The following MOB3C variants were observed in gnomAD, a reference collection of about 807,000 sequenced individuals.
The protein encoded by MOB3C is MOB kinase activator 3C, also known as MOB1, Mps One Binder kinase activator-like 2C.
A neutral mutation model predicts 19.8 loss-of-function variants in MOB3C; 17 were observed. That is an observed-to-expected ratio of 0.86 (90% CI 0.59 to 1.29). The LOEUF (loss-of-function observed/expected upper bound fraction) is 1.29. MOB3C is among the 50% of genes most tolerant of loss of function. The pLI is 0.00. For missense variants in MOB3C, 291 were observed against 301.9 expected, an observed-to-expected ratio of 0.96 and a Z score of 0.27; for synonymous variants, 101 against 119.2, an observed-to-expected ratio of 0.85 and a Z score of 0.99.
chr1:46,615,306 C>G (rs951711788), intron 1 of MOB3C: 2 of 528,394 alleles, frequency 3.8e-6, no homozygotes, highest in Admixed American at 6.4e-5. Context: ...CGCCCCCACT[C>G]TTTTGCCTCT....
chr1:46,613,395 G>A (rs749136671), intron 1 of MOB3C, 24 bp from the exon 2 acceptor site: 1 of 1,567,406 alleles, frequency 6.4e-7, no homozygotes, highest in Non-Finnish European at 8.6e-7. Flanking sequence ...GGGCATAGGG[G>A]AGCTGGCGGT....
chr1:46,613,421 T>C (rs139968018), intron 1 of MOB3C, 50 bp from the exon 2 acceptor site: 1 of 1,490,372 alleles, frequency 6.7e-7, no homozygotes, highest in East Asian at 2.3e-5. Flanking sequence ...CCTTATCATC[T>C]GGGCTCTGAC....
chr1:46,613,727 C>T (rs1675515760), intron 1 of MOB3C: 2 of 262,726 alleles, frequency 7.6e-6, no homozygotes, highest in Admixed American at 9.9e-5. Flanking sequence ...GACGAGATGA[C>T]CTCTGGGAGC....
chr1:46,614,830 C>T, intron 1 of MOB3C: 2 of 605,546 alleles, frequency 3.3e-6, no homozygotes, highest in Non-Finnish European at 5.8e-6. Flanking sequence ...GTCAAACTAG[C>T]TGGGGAGCTG....
intron 3 of MOB3C, 106 bp from the exon 4 acceptor site, chr1:46,609,790 C>T: frequency 6.9e-7 from 1 of 1,447,834 alleles, no homozygotes; most frequent in Non-Finnish European, 9.4e-7. Flanking sequence ...CCTGGCCTTC[C>T]CCCAGCAACC....
rs1289738756 is a variant in MOB3C at position 46,609,299 on chromosome 1, A to G, written c.*356T>C. ...ACAGGCAGACTGCTCACTTTCTTGC[A>G]CCTTTCTTGCCATCACCTCGGCCAC... On this transcript the variant is annotated 3_prime_UTR_variant, in exon 4 of 4. Coordinates refer to ENST00000319928, the MANE Select transcript of MOB3C (RefSeq NM_201403.3). 2 of 383,920 alleles carry G rather than the reference A, an allele frequency of 5.2e-6. No homozygotes were observed. The highest frequency in any genetic ancestry group is 9.8e-6 in the Non-Finnish European group (2 of 203,920). The allele number at this position is 383,920 out of a possible 1,614,324, so 23.8% of individuals were successfully genotyped here. A position where few individuals can be genotyped will look rare whatever the true frequency, so the allele number is the denominator to read the frequency against.
At chr1:46,616,331 A>G (rs1675559726) in intron 1 of MOB3C, 1 of 152,282 alleles carries the variant, frequency 6.6e-6, no homozygotes, top group Non-Finnish European at 1.5e-5. Flanking sequence ...GAGGTCGAAG[A>G]GAAAAAGTAG....
At chr1:46,614,129 T>C (rs1007751184) in intron 1 of MOB3C, 13 of 152,314 alleles carry the variant, frequency 8.5e-5, no homozygotes, top group African/African-American at 2.9e-4. Flanking sequence ...TCAGTAGACA[T>C]TCCTCTAGCA....
intron 1 of MOB3C, chr1:46,615,018 CA>C: frequency 6.2e-7 from 1 of 1,613,218 alleles, no homozygotes; most frequent in African/African-American, 1.3e-5. Flanking sequence ...ACTTCTCACC[CA>C]AAGAAGTCCC....
chr1:46,616,408 C>T (rs1351196502), intron 1 of MOB3C: 1 of 152,828 alleles, frequency 6.5e-6, no homozygotes, highest in East Asian at 1.9e-4. Context: ...TTCCCTGCAA[C>T]CTCAAACCAG....
In MOB3C at chr1:46,613,232, C is replaced by G. The variant is rs1318034883; in HGVS notation, c.90G>C (p.Leu30=). Residue 30 remains leucine, a synonymous_variant, in exon 2 of 4, where the codon CTG becomes CTC. Transcript: ENST00000319928. ...RFEPGTQRFE[L]YKKAQASLKS... ...TGAGAGAGGCCTGTGCCTTCTTGTACAGCTCAAAGCGCTGTGTGCCCGGCT... is the reference window on the plus strand; with the variant it reads ...TGAGAGAGGCCTGTGCCTTCTTGTAGAGCTCAAAGCGCTGTGTGCCCGGCT... The G allele has an allele frequency of 1.2e-6, 2 of 1,614,160 alleles. No homozygotes were observed. The highest frequency in any genetic ancestry group is 1.7e-6 in the Non-Finnish European group (2 of 1,180,036).
chr1:46,612,658 G>GAAAAAAAAAAA (rs112172528), intron 2 of MOB3C, among the ~76,000 whole-genome samples: 1 of 97,096 alleles, frequency 1.0e-5, no homozygotes, highest in South Asian at 4.1e-4. Flanking sequence ...TCTCAGAAAA[G>GAAAAAAAAAAA]AAAAAAAAAA....
chr1:46,614,273 A>T (rs551637191), intron 1 of MOB3C: 1 of 152,346 alleles, frequency 6.6e-6, no homozygotes, highest in South Asian at 2.1e-4. Context: ...ATTTTGGGAG[A>T]CAGTGATCAG....
intron 2 of MOB3C, among the ~76,000 whole-genome samples, chr1:46,610,606 C>T (rs1391953291): frequency 6.6e-6 from 1 of 152,220 alleles, no homozygotes; most frequent in African/African-American, 2.4e-5. Flanking sequence ...TGGTCTTGAA[C>T]TCCTGACCTC....
Position 46,613,014 on chromosome 1 carries a change from T to C in MOB3C, c.308A>G (p.Glu103Gly), listed in dbSNP as rs1353431397. 1 of 1,613,536 alleles carries C rather than the reference T, an allele frequency of 6.2e-7. No individual in the cohort carries two copies. Among genetic ancestry groups the C allele is most frequent in the Non-Finnish European group, 8.5e-7 (1 of 1,179,676 alleles). ...GPRYEYRWQD[E>G]RQYRRPAKLS... ...CTTGGCGGGCCGCCGGTACTGGCGC[T>C]CGTCCTGCCAGCGGTACTCGTAGCG... The change falls in exon 2 of 4, where the codon GAG (glutamate) becomes GGG (glycine). Residue 103 changes from glutamate to glycine, a missense_variant. Physicochemically the swap from Glu to Gly is moderately conservative, Grantham distance 98. Coordinates refer to ENST00000319928, the MANE Select transcript of MOB3C (RefSeq NM_201403.3).
rs2181413 is a variant in MOB3C, at chr1:46,608,790, A to G, written c.*865T>C. The G allele has an allele frequency of 0.13, 20,410 of 152,580 alleles. 1,796 individuals carry two copies. The highest frequency in any genetic ancestry group is 0.29 in the South Asian group (1,416 of 4,814). 9.5% of individuals were successfully genotyped at this position (152,580 alleles called of 1,614,324 possible). A position where few individuals can be genotyped will look rare whatever the true frequency, so the allele number is the denominator to read the frequency against. On this transcript the variant is annotated 3_prime_UTR_variant, in exon 4 of 4. Transcript: ENST00000319928. The surrounding 1 kb of genome is among the most constrained non-coding windows in gnomAD (Gnocchi z 4.5). ...CAGGGGACCTTTGTGTACTTGAGGG[A>G]TCATCTCCAACCCCCAGGAGGACAC...
rs1675418878 is a variant in MOB3C at position 46,609,130 on chromosome 1, G to T, written c.*525C>A. On this transcript the variant is annotated 3_prime_UTR_variant, in exon 4 of 4. Transcript: ENST00000319928. ...TGGTCTGATGGTCCCATGGTCTGAT[G>T]GTCCCAATCTATTTATCCATCCATC... is the stretch of plus-strand genomic sequence containing the variant. 6.3e-6 allele frequency: 1 copy of T among 159,292 alleles called. No homozygotes were observed. Among genetic ancestry groups the T allele is most frequent in the Admixed American group, 6.5e-5 (1 of 15,456 alleles). The allele number at this position is 159,292 out of a possible 1,614,324, so 9.9% of individuals were successfully genotyped here. A position where few individuals can be genotyped will look rare whatever the true frequency, so the allele number is the denominator to read the frequency against.
chr1:46,614,418 C>T (rs1675528823), intron 1 of MOB3C: 2 of 152,780 alleles, frequency 1.3e-5, no homozygotes, highest in South Asian at 2.1e-4. Flanking sequence ...GTTTCTAAGA[C>T]CTGAGTCATC....
Position 46,613,371 on chromosome 1 carries a change from C to A in MOB3C, c.-50G>T. 6.3e-7 allele frequency: 1 copy of A among 1,593,454 alleles called. No homozygotes were observed. The highest frequency in any genetic ancestry group is 2.2e-5 in the East Asian group (1 of 44,726). ...TCCAGGGGCTCGGACCTGAGGATAC[C>A]CTGCCAGGGACAAGGGCATAGGGGA... On this transcript the variant is annotated splice_region_variant and 5_prime_UTR_variant, in exon 2 of 4. Coordinates refer to ENST00000319928, the MANE Select transcript of MOB3C (RefSeq NM_201403.3).
Sources: allele counts gnomAD v4.1 joint callset (sites outside exome capture counted in the v4.1 genomes callset), GRCh38; gene constraint gnomAD v4.1.1; non-coding constraint Gnocchi (gnomAD v3.1); transcripts MANE v1.5; gene names NCBI Gene and HGNC (gene_info 2026-07-23, HGNC 2026-07-21).